The following EGFL8 variants were observed in gnomAD, a reference collection of about 807,000 sequenced individuals.
EGFL8 encodes EGF like domain multiple 8.
EGFL8 carries 32 observed loss-of-function variants against 39.4 expected under a neutral mutation model. The ratio of observed to expected loss-of-function variants is 0.81; its 90% CI spans 0.61 to 1.09. EGFL8 has a LOEUF of 1.09. Ranked by LOEUF, EGFL8 falls within the 50% of genes least tolerant of loss-of-function variation. The pLI, the probability that EGFL8 is intolerant of heterozygous loss-of-function variation, is 0.00. For missense variants in EGFL8, 385 were observed against 402.2 expected (o/e 0.96, Z 0.37); for synonymous variants, 177 against 168.5 (o/e 1.05, Z -0.39).
At position 32,164,736 on chromosome 6, in the gene EGFL8, A is replaced by G; in HGVS notation, c.-29+79A>G. Reference sequence around the variant, plus strand: ...AAGAGTGGGGTTTACTCAGAGCCTTAGGGTGGGCATGAGTTGCGGGGTGTT... The same window carrying G: ...AAGAGTGGGGTTTACTCAGAGCCTTGGGGTGGGCATGAGTTGCGGGGTGTT... On this transcript the variant is annotated intron_variant, in intron 1 of 8. Transcript: ENST00000333845. The surrounding 1 kb of genome is among the most constrained non-coding windows in gnomAD (Gnocchi z 5.4). 1.5e-6 allele frequency: 1 copy of G among 688,286 alleles called. No individual in the cohort carries two copies. 42.6% of individuals were successfully genotyped at this position (688,286 alleles called of 1,614,324 possible). A position where few individuals can be genotyped will look rare whatever the true frequency, so the allele number is the denominator to read the frequency against.
chr6:32,168,236 T>C lies in EGFL8; in HGVS notation c.*280T>C, dbSNP rs1340009508. ...ATCTCTCTCTCTCTTTATTTTCAGTTTTTTTGCTGTTATCCAGATAATTAA... is the reference window on the plus strand; with the variant it reads ...ATCTCTCTCTCTCTTTATTTTCAGTCTTTTTGCTGTTATCCAGATAATTAA... On this transcript the variant is annotated 3_prime_UTR_variant, in exon 9 of 9. Transcript: ENST00000333845. This position sits in a 1 kb window ranked among gnomAD's most constrained non-coding sequence, Gnocchi z 4.5. 6.5e-6 allele frequency: 3 copies of C among 458,674 alleles called. No homozygotes were observed. Among genetic ancestry groups the C allele is most frequent in the Non-Finnish European group, 1.2e-5 (3 of 257,110 alleles). 28.4% of individuals were successfully genotyped at this position (458,674 alleles called of 1,614,324 possible). A position where few individuals can be genotyped will look rare whatever the true frequency, so the allele number is the denominator to read the frequency against.
chr6:32,167,592 C>A lies in EGFL8; in HGVS notation c.771C>A (p.Gly257=). Residue 257 remains glycine, a synonymous_variant, in exon 8 of 9, where the codon GGC becomes GGA. Transcript: ENST00000333845. This position sits in a 1 kb window ranked among gnomAD's most constrained non-coding sequence, Gnocchi z 6.4. ...LQPEQVAELW[G]RGDRIESLSD... The stretch of plus-strand genomic sequence containing the variant: ...CAGAACAGGTGGCTGAGCTGTGGGG[C>A]CGGGGTGACCGGATCGAATCTCTCA... 4 of 1,611,042 alleles carry A rather than the reference C, an allele frequency of 2.5e-6. No individual in the cohort carries two copies. The highest frequency in any genetic ancestry group is 3.4e-6 in the Non-Finnish European group (4 of 1,179,936).
At chr6:32,165,245 G>A (rs1784399021) in intron 1 of EGFL8, 1 of 151,106 alleles carries the variant, frequency 6.6e-6, no homozygotes, top group South Asian at 2.1e-4. Flanking sequence ...GTTATAAGAG[G>A]GCATGTTAAA....
chr6:32,167,984 A>C lies in EGFL8; in HGVS notation c.*28A>C. The stretch of plus-strand genomic sequence containing the variant: ...AGCCTCTACAGCACCCCTGCCCCCT[A>C]ATTTATACAGAAACCGGACCCACTA... On this transcript the variant is annotated 3_prime_UTR_variant, in exon 9 of 9. Coordinates refer to ENST00000333845, the MANE Select transcript of EGFL8 (RefSeq NM_030652.4). This position sits in a 1 kb window ranked among gnomAD's most constrained non-coding sequence, Gnocchi z 6.4. 1 of 1,612,706 alleles carries C rather than the reference A, an allele frequency of 6.2e-7. No individual in the cohort carries two copies. The highest frequency in any genetic ancestry group is 8.5e-7 in the Non-Finnish European group (1 of 1,178,784).
Position 32,166,712 on chromosome 6 carries a change from G to A in EGFL8, c.236G>A (p.Arg79His), listed in dbSNP as rs140183306. 1.9e-5 allele frequency: 31 copies of A among 1,603,778 alleles called. No homozygotes were observed. The African/African-American group carries it at 2.8e-4, about 15-fold the overall frequency. Residue 79 changes from arginine to histidine, a missense_variant, in exon 4 of 9, where the codon CGC becomes CAC. Physicochemically the swap from Arg to His is conservative, Grantham distance 29. Transcript: ENST00000333845. This position sits in a 1 kb window ranked among gnomAD's most constrained non-coding sequence, Gnocchi z 7.3. The stretch of plus-strand genomic sequence containing the variant: ...GCGCTGTGTTCCAGGACCATGTACC[G>A]CGTTATGTGGCGGGAGGTGAGGCGG... ...RICSTYRTMY[R>H]VMWREVRREV...
At chr6:32,165,181 G>A (rs1183476976) in intron 1 of EGFL8, 2 of 151,650 alleles carry the variant, frequency 1.3e-5, no homozygotes, top group African/African-American at 2.4e-5. Flanking sequence ...CAAAGTGCTG[G>A]GATTACAGGT....
At position 32,167,688 on chromosome 6, in the gene EGFL8, C is replaced by A; in HGVS notation, c.835+32C>A. 6.3e-7 allele frequency: 1 copy of A among 1,579,352 alleles called. No homozygotes were observed. Among genetic ancestry groups the A allele is most frequent in the Non-Finnish European group, 8.6e-7 (1 of 1,161,490 alleles). On this transcript the variant is annotated intron_variant, in intron 8 of 8. Transcript: ENST00000333845. This position sits in a 1 kb window ranked among gnomAD's most constrained non-coding sequence, Gnocchi z 6.4. The stretch of plus-strand genomic sequence containing the variant: ...CCTCACACTCCTCCCGCCTTGACTT[C>A]TATTCCCCAACTTTCCCCAAGACCC...
chr6:32,166,165 C>T lies in EGFL8; in HGVS notation c.-1C>T. The T allele has an allele frequency of 6.2e-7, 1 of 1,614,136 alleles. No homozygotes were observed. Among genetic ancestry groups the T allele is most frequent in the Non-Finnish European group, 8.5e-7 (1 of 1,180,000 alleles). On this transcript the variant is annotated 5_prime_UTR_variant, in exon 2 of 9. Transcript: ENST00000333845. This position sits in a 1 kb window ranked among gnomAD's most constrained non-coding sequence, Gnocchi z 7.3. ...TGTAGGGTCCAGCGTCAAAGCGAAT[C>T]ATGGGGTCCAGGGCTGAGCTGTGCA... is the stretch of plus-strand genomic sequence containing the variant.
At position 32,167,186 on chromosome 6, in the gene EGFL8, G is replaced by T; in HGVS notation, c.530G>T (p.Gly177Val). 1 of 1,613,030 alleles carries T rather than the reference G, an allele frequency of 6.2e-7. No homozygotes were observed. Among genetic ancestry groups the T allele is most frequent in the East Asian group, 2.2e-5 (1 of 44,878 alleles). The change falls in exon 6 of 9, where the codon GGC becomes GTC. Residue 177 changes from glycine (G) to valine (V), a missense_variant. Gly to Val is a moderately radical substitution (Grantham distance 109). Transcript: ENST00000333845. This position sits in a 1 kb window ranked among gnomAD's most constrained non-coding sequence, Gnocchi z 6.4. ...GGCTGCCCCCATGACCTAGTGCTAG[G>T]CGTGGACGGGCGCACCTGCATGGAG... Reference protein sequence around the residue: ...TCGCPHDLVLGVDGRTCMEGS... With the variant: ...TCGCPHDLVLVVDGRTCMEGS...
In EGFL8 at chr6:32,168,043, TA is replaced by T; in HGVS notation, c.*89del. On this transcript the variant is annotated 3_prime_UTR_variant, in exon 9 of 9. Transcript: ENST00000333845. This position sits in a 1 kb window ranked among gnomAD's most constrained non-coding sequence, Gnocchi z 4.5. ...GGATTGGCCGACTGTGAGCTGCAGA[TA>T]AGGCTATCAGCCACCAAAGAGCAAT... 1.5e-6 allele frequency: 2 copies of T among 1,340,024 alleles called. No homozygotes were observed. Among genetic ancestry groups the T allele is most frequent in the Non-Finnish European group, 2.1e-6 (2 of 932,794 alleles). The allele number at this position is 1,340,024 out of a possible 1,614,324, so 83.0% of individuals were successfully genotyped here. A position where few individuals can be genotyped will look rare whatever the true frequency, so the allele number is the denominator to read the frequency against.
rs769105881 is a variant in EGFL8 at position 32,167,535 on chromosome 6, G to A, written c.714G>A (p.Ala238=). ...GTCAGGCTGGGGCCTGGGTCAGAGC[G>A]GTGCTGCCCGTGCCGCCTGAAGAGC... ...WAGQAGAWVR[A]VLPVPPEELQ... Residue 238 remains alanine, a synonymous_variant, in exon 8 of 9, where the codon GCG becomes GCA. Transcript: ENST00000333845. The surrounding 1 kb of genome is among the most constrained non-coding windows in gnomAD (Gnocchi z 6.4). The A allele has an allele frequency of 1.9e-5, 30 of 1,608,166 alleles. No individual in the cohort carries two copies. The highest frequency in any genetic ancestry group is 2.7e-5 in the African/African-American group (2 of 74,940).
chr6:32,166,533 C>T lies in EGFL8; in HGVS notation c.137C>T (p.Pro46Leu), dbSNP rs1784499603. Residue 46 changes from proline (P) to leucine (L), a missense_variant, in exon 3 of 9, where the codon CCG becomes CTG. Coordinates refer to ENST00000333845, the MANE Select transcript of EGFL8 (RefSeq NM_030652.4). The surrounding 1 kb of genome is among the most constrained non-coding windows in gnomAD (Gnocchi z 7.3). ...GVCSKQTLVV[P>L]LHYNESYSQP... The stretch of plus-strand genomic sequence containing the variant: ...TGCTCCAAGCAGACACTGGTGGTCC[C>T]GCTCCACTACAACGAGTCCTACAGC... The T allele has an allele frequency of 3.7e-6, 6 of 1,613,898 alleles. No homozygotes were observed. The highest frequency in any genetic ancestry group is 4.2e-6 in the Non-Finnish European group (5 of 1,180,014).
intron 1 of EGFL8, chr6:32,165,875 G>T (rs143675211): frequency 2.2e-5 from 12 of 541,948 alleles, no homozygotes; most frequent in African/African-American, 1.1e-4. Flanking sequence ...GTGCAGAGGG[G>T]ATTAGAAGTA....
Position 32,167,663 on chromosome 6 carries a change from C to T in EGFL8, c.835+7C>T. 6.3e-7 allele frequency: 1 copy of T among 1,597,638 alleles called. No individual in the cohort carries two copies. Among genetic ancestry groups the T allele is most frequent in the Non-Finnish European group, 8.5e-7 (1 of 1,172,056 alleles). ...GAGGAGAGGCTAGGTGCCTGTGAGTCCTCACACTCCTCCCGCCTTGACTTC... is the reference window on the plus strand; with the variant it reads ...GAGGAGAGGCTAGGTGCCTGTGAGTTCTCACACTCCTCCCGCCTTGACTTC... On this transcript the variant is annotated splice_region_variant and intron_variant, in intron 8 of 8. Coordinates refer to ENST00000333845, the MANE Select transcript of EGFL8 (RefSeq NM_030652.4). This position sits in a 1 kb window ranked among gnomAD's most constrained non-coding sequence, Gnocchi z 6.4.
rs911678439 is a variant in EGFL8, at chr6:32,166,333, T to C, written c.101+67T>C. On this transcript the variant is annotated intron_variant, in intron 2 of 8. Coordinates refer to ENST00000333845, the MANE Select transcript of EGFL8 (RefSeq NM_030652.4). This position sits in a 1 kb window ranked among gnomAD's most constrained non-coding sequence, Gnocchi z 7.3. ...GGAGCCTTCTGCTGGGGGTGGGGCTTCACAGGAGGCAAAACATAACTGTAA... is the reference window on the plus strand; with the variant it reads ...GGAGCCTTCTGCTGGGGGTGGGGCTCCACAGGAGGCAAAACATAACTGTAA... 4 of 1,596,800 alleles carry C rather than the reference T, an allele frequency of 2.5e-6. No individual in the cohort carries two copies. The highest frequency in any genetic ancestry group is 3.4e-6 in the Non-Finnish European group (4 of 1,166,362).
chr6:32,167,512 C>T lies in EGFL8; in HGVS notation c.691C>T (p.Gln231Ter), dbSNP rs957805495. The T allele has an allele frequency of 1.2e-6, 2 of 1,607,884 alleles. No individual in the cohort carries two copies. Among genetic ancestry groups the T allele is most frequent in the Non-Finnish European group, 1.7e-6 (2 of 1,179,358 alleles). ...ATCTCTTCCTTTCTAGTGGGCCGGT[C>T]AGGCTGGGGCCTGGGTCAGAGCGGT... ...RLERLEQWAG[Q>*]AGAWVRAVLP... Residue 231 changes from glutamine (Q) to a stop codon, truncating the protein, a stop_gained, in exon 8 of 9, where the codon CAG (glutamine) becomes TAG (stop). Coordinates refer to ENST00000333845, the MANE Select transcript of EGFL8 (RefSeq NM_030652.4). LOFTEE classifies it high-confidence loss of function. The surrounding 1 kb of genome is among the most constrained non-coding windows in gnomAD (Gnocchi z 6.4).
Position 32,168,211 on chromosome 6 carries a change from A to ATC in EGFL8, c.*267_*268dup, listed in dbSNP as rs1343872702. 2.4e-5 allele frequency: 12 copies of ATC among 503,428 alleles called. No homozygotes were observed. The highest frequency in any genetic ancestry group is 6.7e-5 in the Admixed American group (2 of 30,044). The allele number at this position is 503,428 out of a possible 1,614,324, so 31.2% of individuals were successfully genotyped here. A position where few individuals can be genotyped will look rare whatever the true frequency, so the allele number is the denominator to read the frequency against. ...AACAAATGCAACCACCAACACCCAG[A>ATC]TCTCTCTCTCTCTTTATTTTCAGTT... On this transcript the variant is annotated 3_prime_UTR_variant, in exon 9 of 9. Coordinates refer to ENST00000333845, the MANE Select transcript of EGFL8 (RefSeq NM_030652.4). The surrounding 1 kb of genome is among the most constrained non-coding windows in gnomAD (Gnocchi z 4.5).
rs765773925 is a variant in EGFL8 at position 32,167,994 on chromosome 6, GA to G, written c.*41del. 27 of 1,605,612 alleles carry G rather than the reference GA, an allele frequency of 1.7e-5. No homozygotes were observed. The African/African-American group carries it at 3.3e-4, about 20-fold the overall frequency. ...GCACCCCTGCCCCCTAATTTATACA[GA>G]AACCGGACCCACTAATCCTCTGGGA... On this transcript the variant is annotated 3_prime_UTR_variant, in exon 9 of 9. Coordinates refer to ENST00000333845, the MANE Select transcript of EGFL8 (RefSeq NM_030652.4). This position sits in a 1 kb window ranked among gnomAD's most constrained non-coding sequence, Gnocchi z 6.4.
rs148091796 is a variant in EGFL8 at position 32,166,279 on chromosome 6, G to A, written c.101+13G>A. On this transcript the variant is annotated intron_variant, in intron 2 of 8. Transcript: ENST00000333845. This position sits in a 1 kb window ranked among gnomAD's most constrained non-coding sequence, Gnocchi z 7.3. ...CCCTCAGAGAGAGGTGACAACAGAG[G>A]GGGTAGGGCCCGGGGTGAGCTCTTC... 2.3e-3 allele frequency: 3,677 copies of A among 1,613,700 alleles called. 5 individuals are homozygous for A. Among genetic ancestry groups the A allele is most frequent in the Non-Finnish European group, 2.9e-3 (3,384 of 1,179,768 alleles).
Sources: allele counts gnomAD v4.1 joint callset, GRCh38; gene constraint gnomAD v4.1.1; non-coding constraint Gnocchi (gnomAD v3.1); transcripts MANE v1.5; gene names NCBI Gene and HGNC (gene_info 2026-07-23, HGNC 2026-07-21).